PXDN: variants seen among roughly 807,000 people sequenced by gnomAD.
PXDN encodes peroxidasin homolog.
Under a neutral mutation model 140.3 loss-of-function variants are expected in PXDN, and 77 were observed. That is an observed-to-expected ratio of 0.55 (90% CI 0.46 to 0.66). The LOEUF (loss-of-function observed/expected upper bound fraction) is 0.66, where lower values mean the gene tolerates loss of function less well. PXDN is among the 30% of genes least tolerant of loss of function. PXDN has a pLI of 0.00. For missense variants in PXDN, 1,838 were observed against 2,039.5 expected (o/e 0.90, Z 1.90); for synonymous variants, 911 against 857.4 (o/e 1.06, Z -1.09).
rs567856172 is a variant in PXDN at position 1,705,254 on chromosome 2, C to G, written c.201-12120G>C. Among the ~76,000 whole-genome samples the G allele has an allele frequency of 2.6e-3, 398 of 152,260 alleles. 1 individual carries two copies. Among genetic ancestry groups the G allele is most frequent in the African/African-American group, 9.2e-3 (384 of 41,574 alleles). Reference sequence around the variant, plus strand: ...CAGACCGGCTCAGTTCACTCCCAAACCCACATGACCCACTGAAGACACTCC... The same window carrying G: ...CAGACCGGCTCAGTTCACTCCCAAAGCCACATGACCCACTGAAGACACTCC... On this transcript the variant is annotated intron_variant, in intron 1 of 22. Coordinates refer to ENST00000252804, the MANE Select transcript of PXDN (RefSeq NM_012293.3).
intron 1 of PXDN, among the ~76,000 whole-genome samples, chr2:1,719,835 TG>T (rs1476342266): frequency 0.073 from 946 of 12,996 alleles, 18 homozygotes; most frequent in African/African-American, 0.2. Context: ...ATGCGTGCAT[TG>T]TGTGTGTGTG....
In PXDN at chr2:1,692,013, T is replaced by G; in HGVS notation, c.273-14A>C. The G allele has an allele frequency of 2.0e-6, 3 of 1,486,358 alleles. No individual in the cohort carries two copies. The highest frequency in any genetic ancestry group is 2.7e-6 in the Non-Finnish European group (3 of 1,102,984). The allele number at this position is 1,486,358 out of a possible 1,614,324, so 92.1% of individuals were successfully genotyped here. ...TTATTGAGAAGCCTATGAAAGAGAG[T>G]CGATAAGAATTTTAAAAAACAACAG... On this transcript the variant is annotated splice_polypyrimidine_tract_variant and intron_variant, in intron 2 of 22. Transcript: ENST00000252804.
chr2:1,679,876 ATG>A (rs146535693), intron 7 of PXDN, among the ~76,000 whole-genome samples: 12 of 82,042 alleles, frequency 1.5e-4, no homozygotes, highest in East Asian at 1.3e-3. Flanking sequence ...TTGTGTCTGC[ATG>A]TGTGTGTCTA....
At chr2:1,727,684 C>T (rs866397863) in intron 1 of PXDN, among the ~76,000 whole-genome samples, 1 of 152,230 alleles carries the variant, frequency 6.6e-6, no homozygotes, top group African/African-American at 2.4e-5. Flanking sequence ...GAGTCCAACC[C>T]CCTGCCCACC....
intron 15 of PXDN, 146 bp downstream of exon 15, chr2:1,654,253 GT>G: frequency 1.3e-5 from 8 of 593,530 alleles, no homozygotes; most frequent in Non-Finnish European, 2.3e-5. Context: ...TGCCCATGTT[GT>G]TCATGATTTT....
intron 1 of PXDN, among the ~76,000 whole-genome samples, chr2:1,730,969 T>C (rs913882355): frequency 6.6e-6 from 1 of 152,172 alleles, no homozygotes; most frequent in Non-Finnish European, 1.5e-5. Context: ...GTTTTAAAAC[T>C]ATCTGTGGTA....
At chr2:1,641,778 CTT>C (rs943020502) in intron 19 of PXDN, among the ~76,000 whole-genome samples, 1 of 152,168 alleles carries the variant, frequency 6.6e-6, no homozygotes, top group African/African-American at 2.4e-5. Flanking sequence ...TTTCAAAGGA[CTT>C]TGGATTTTCT....
Position 1,680,230 on chromosome 2 carries a change from G to A in PXDN, c.693C>T (p.Arg231=), listed in dbSNP as rs769497072. ...CTTCCGGGGTGATGGTTGCCACTGA[G>A]CGTCCCTGGATGCGTCTGGGATATT... ...ICEYPRRIQG[R]SVATITPEEL... Residue 231 remains arginine, a synonymous_variant, in exon 7 of 23, where the codon CGC becomes CGT. Coordinates refer to ENST00000252804, the MANE Select transcript of PXDN (RefSeq NM_012293.3). 1.9e-6 allele frequency: 3 copies of A among 1,602,728 alleles called. No individual in the cohort carries two copies. The highest frequency in any genetic ancestry group is 1.7e-5 in the Admixed American group (1 of 58,102).
rs141386551 is a variant in PXDN at position 1,644,790 on chromosome 2, A to G, written c.3609-38T>C. The G allele has an allele frequency of 6.1e-5, 86 of 1,406,354 alleles. No homozygotes were observed. The East Asian group carries it at 2.2e-3, about 37-fold the overall frequency. 87.1% of individuals were successfully genotyped at this position (1,406,354 alleles called of 1,614,324 possible). On this transcript the variant is annotated intron_variant, in intron 17 of 22. Transcript: ENST00000252804. ...GAGAAAACTGAAATCTACCTAACAA[A>G]GCTGCACGTGGTAAAAAATACAGCA...
rs143177422 is a variant in PXDN at position 1,692,642 on chromosome 2, C to T, written c.272+421G>A. The T allele has an allele frequency of 5.0e-4, 238 of 472,530 alleles. 1 individual carries two copies. Among genetic ancestry groups the T allele is most frequent in the African/African-American group, 1.8e-3 (92 of 50,330 alleles). The allele number at this position is 472,530 out of a possible 1,614,324, so 29.3% of individuals were successfully genotyped here. On this transcript the variant is annotated intron_variant, in intron 2 of 22. Transcript: ENST00000252804. ...TGGACTTGGCCCTGCCTGCTCCCTC[C>T]AGGCATCATGGGACTGCCTTGAACC...
At chr2:1,675,098 G>A (rs1289090215) in intron 8 of PXDN, among the ~76,000 whole-genome samples, 1 of 152,134 alleles carries the variant, frequency 6.6e-6, no homozygotes, top group African/African-American at 2.4e-5. Context: ...CTTACCCACA[G>A]GGATTGCTGG....
At chr2:1,656,182 T>C (rs1408271886) in intron 14 of PXDN, among the ~76,000 whole-genome samples, 2 of 151,752 alleles carry the variant, frequency 1.3e-5, no homozygotes, top group Non-Finnish European at 2.9e-5. Context: ...ACACACAGAA[T>C]CACACACCTT....
rs952281206 is a variant in PXDN, at chr2:1,714,313, T to C, written c.201-21179A>G. 1.3e-5 allele frequency among the ~76,000 whole-genome samples: 2 copies of C among 152,070 alleles called. No individual in the cohort carries two copies. Among genetic ancestry groups the C allele is most frequent in the African/African-American group, 4.8e-5 (2 of 41,402 alleles). On this transcript the variant is annotated intron_variant, in intron 1 of 22. Coordinates refer to ENST00000252804, the MANE Select transcript of PXDN (RefSeq NM_012293.3). This position sits in a 1 kb window ranked among gnomAD's most constrained non-coding sequence, Gnocchi z 4.3. The stretch of plus-strand genomic sequence containing the variant: ...ACCCCAGGAGCCACTCTTGGGAAGG[T>C]TCCCCTGTCCCCCGATGGTCCGGCA...
intron 14 of PXDN, among the ~76,000 whole-genome samples, chr2:1,656,774 C>T (rs1683146146): frequency 6.7e-6 from 1 of 149,552 alleles, no homozygotes; most frequent in African/African-American, 2.5e-5. Flanking sequence ...CTGTCCCCTC[C>T]TGACAGGAAC....
At chr2:1,657,896 CCTGA>C in intron 14 of PXDN, among the ~76,000 whole-genome samples, 1 of 150,456 alleles carries the variant, frequency 6.6e-6, no homozygotes, top group South Asian at 2.1e-4. Flanking sequence ...ACCTGCCCCT[CCTGA>C]CTGAGACCTA....
At chr2:1,671,575 TGATA>T (rs1253920116) in intron 9 of PXDN, among the ~76,000 whole-genome samples, 4 of 152,322 alleles carry the variant, frequency 2.6e-5, no homozygotes, top group East Asian at 3.9e-4. Context: ...CAAAAAGCAC[TGATA>T]GAGATAGAAG....
Position 1,648,091 on chromosome 2 carries a change from G to C in PXDN, c.3608+81C>G. On this transcript the variant is annotated intron_variant, in intron 17 of 22. Transcript: ENST00000252804. This position sits in a 1 kb window ranked among gnomAD's most constrained non-coding sequence, Gnocchi z 8.9. ...GACACGAACAAAACTCACACACAGAGACAAATAACACACACACCACAGTTC... is the reference window on the plus strand; with the variant it reads ...GACACGAACAAAACTCACACACAGACACAAATAACACACACACCACAGTTC... 6.6e-7 allele frequency: 1 copy of C among 1,510,982 alleles called. No individual in the cohort carries two copies. Among genetic ancestry groups the C allele is most frequent in the Non-Finnish European group, 9.0e-7 (1 of 1,112,390 alleles). The allele number at this position is 1,510,982 out of a possible 1,614,324, so 93.6% of individuals were successfully genotyped here.
Position 1,648,759 on chromosome 2 carries a change from C to G in PXDN, c.3021G>C (p.Pro1007=). The G allele has an allele frequency of 1.9e-6, 3 of 1,603,596 alleles. No homozygotes were observed. Among genetic ancestry groups the G allele is most frequent in the Non-Finnish European group, 2.6e-6 (3 of 1,175,744 alleles). The change falls in exon 17 of 23, where the codon CCG becomes CCC. Residue 1007 remains proline, a synonymous_variant. Transcript: ENST00000252804. The surrounding 1 kb of genome is among the most constrained non-coding windows in gnomAD (Gnocchi z 8.9). ...RIATELLKLN[P]HWDGDTIYYE... ...AGTAGATGGTGTCGCCGTCCCAGTGCGGGTTCAGCTTGAGCAGCTCCGTGG... is the reference window on the plus strand; with the variant it reads ...AGTAGATGGTGTCGCCGTCCCAGTGGGGGTTCAGCTTGAGCAGCTCCGTGG...
chr2:1,702,612 GT>G (rs1338894667), intron 1 of PXDN, among the ~76,000 whole-genome samples: 1 of 151,902 alleles, frequency 6.6e-6, no homozygotes, highest in Admixed American at 6.6e-5. Context: ...GGCACAGCTT[GT>G]TTTTTTTGTT....
Sources: gnomAD v4.1 joint callset for allele counts (sites outside exome capture counted in the v4.1 genomes callset) on GRCh38, gnomAD v4.1.1 for gene constraint, Gnocchi (gnomAD v3.1) non-coding constraint, MANE v1.5 for transcripts, NCBI Gene and HGNC (gene_info 2026-07-23, HGNC 2026-07-21) for gene names.